SERBP1: variants seen among roughly 807,000 people sequenced by gnomAD.
SERBP1 encodes SERPINE1 mRNA binding protein 1, also known as SERPINE1 mRNA-binding protein 1.
A neutral mutation model predicts 50.2 loss-of-function variants in SERBP1; 6 were observed. That is an observed-to-expected ratio of 0.12 (90% CI 0.07 to 0.24). The LOEUF (loss-of-function observed/expected upper bound fraction) is 0.24. SERBP1 is among the 10% of genes least tolerant of loss of function. The pLI is 1.00. For synonymous variants in SERBP1, 168 were observed against 182.8 expected, an observed-to-expected ratio of 0.92 and a Z score of 0.65; for missense variants, 346 against 524.9, an observed-to-expected ratio of 0.66 and a Z score of 3.33.
rs139147758 is a variant in SERBP1, at chr1:67,426,135, C to T, written c.464G>A (p.Arg155Lys). 180 of 1,603,786 alleles carry T rather than the reference C, an allele frequency of 1.1e-4. No individual in the cohort carries two copies. Among genetic ancestry groups the T allele is most frequent in the Non-Finnish European group, 1.5e-4 (176 of 1,176,550 alleles). Residue 155 changes from arginine (R) to lysine (K), a missense_variant and splice_region_variant, in exon 2 of 8, where the codon AGA becomes AAA. Coordinates refer to ENST00000361219, the MANE Select transcript of SERBP1 (RefSeq NM_001018069.2). ...GGCTCAAAAACAAGAAACAACTTAC[C>T]TATCAACTGAAAATTCGCCTCCTTC... ...KGEGGEFSVD[R>K]PIIDRPIRGR...
Position 67,430,126 on chromosome 1 carries a change from C to G in SERBP1, c.175G>C (p.Ala59Pro), listed in dbSNP as rs936630250. 2.5e-6 allele frequency: 4 copies of G among 1,612,008 alleles called. No homozygotes were observed. The highest frequency in any genetic ancestry group is 3.4e-6 in the Non-Finnish European group (4 of 1,179,800). The change falls in exon 1 of 8, where the codon GCC (alanine) becomes CCC (proline). Residue 59 changes from alanine to proline, a missense_variant. Ala to Pro is a conservative substitution (Grantham distance 27, BLOSUM62 -1). Transcript: ENST00000361219. ...PGAKSAAQAA[A>P]QTNSNAAGKQ... is the part of the protein sequence containing the mutation. ...CCTGCCGCGTTGGAGTTGGTCTGGG[C>G]CGCGGCCTGAGCTGCGCTCTTGGCC... is the stretch of plus-strand genomic sequence containing the variant.
Position 67,410,422 on chromosome 1 carries a change from TACA to T in SERBP1, c.*2782_*2784del, listed in dbSNP as rs1666789351. On this transcript the variant is annotated 3_prime_UTR_variant, in exon 8 of 8. Coordinates refer to ENST00000361219, the MANE Select transcript of SERBP1 (RefSeq NM_001018069.2). The stretch of plus-strand genomic sequence containing the variant: ...ACCAAAAACAAGCCCCAAATATATT[TACA>T]ACCCTGGAAATGATGTGTACTACTT... 2 of 152,180 alleles carry T rather than the reference TACA, an allele frequency of 1.3e-5. No individual in the cohort carries two copies. Among genetic ancestry groups the T allele is most frequent in the South Asian group, 4.1e-4 (2 of 4,826 alleles). The allele number at this position is 152,180 out of a possible 1,614,324, so 9.4% of individuals were successfully genotyped here. A position where few individuals can be genotyped will look rare whatever the true frequency, so the allele number is the denominator to read the frequency against.
At position 67,430,155 on chromosome 1, in the gene SERBP1, G is replaced by C; in HGVS notation, c.146C>G (p.Pro49Arg). 1 of 1,611,222 alleles carries C rather than the reference G, an allele frequency of 6.2e-7. No homozygotes were observed. The highest frequency in any genetic ancestry group is 8.5e-7 in the Non-Finnish European group (1 of 1,179,624). The change falls in exon 1 of 8, where the codon CCT becomes CGT. Residue 49 changes from proline (P) to arginine (R), a missense_variant. Physicochemically the swap from Pro to Arg is moderately radical, Grantham distance 103. Transcript: ENST00000361219. Reference sequence around the variant, plus strand: ...GGCCTGAGCTGCGCTCTTGGCCCCAGGGCCCCCAACGCCGCCCCCGCCGGC... The same window carrying C: ...GGCCTGAGCTGCGCTCTTGGCCCCACGGCCCCCAACGCCGCCCCCGCCGGC... ...KEAGGGGVGG[P>R]GAKSAAQAAA... is the part of the protein sequence containing the mutation.
In SERBP1 at chr1:67,413,130, G is replaced by A. The variant is rs1451352773; in HGVS notation, c.*77C>T. The A allele has an allele frequency of 2.8e-6, 4 of 1,428,830 alleles. No individual in the cohort carries two copies. The highest frequency in any genetic ancestry group is 2.9e-5 in the South Asian group (2 of 68,986). 88.5% of individuals were successfully genotyped at this position (1,428,830 alleles called of 1,614,324 possible). A position where few individuals can be genotyped will look rare whatever the true frequency, so the allele number is the denominator to read the frequency against. On this transcript the variant is annotated 3_prime_UTR_variant, in exon 8 of 8. Coordinates refer to ENST00000361219, the MANE Select transcript of SERBP1 (RefSeq NM_001018069.2). ...TCTTTTTTTTTTTAATTTCTTAGTC[G>A]TTTGGAATCCTTAAGCATGCAAAAG...
At chr1:67,413,578 G>A (rs1388003670) in intron 7 of SERBP1, among the ~76,000 whole-genome samples, 2 of 151,236 alleles carry the variant, frequency 1.3e-5, no homozygotes, top group Non-Finnish European at 2.9e-5. Flanking sequence ...GAACCTGGGA[G>A]GCAAGGGTTG....
intron 7 of SERBP1, among the ~76,000 whole-genome samples, chr1:67,414,020 C>T (rs1666925278): frequency 1.3e-5 from 2 of 152,276 alleles, no homozygotes; most frequent in South Asian, 4.1e-4. Context: ...AAATTCCCAA[C>T]CTCAGGTGAT....
intron 1 of SERBP1, among the ~76,000 whole-genome samples, chr1:67,427,760 A>T (rs1667436303): frequency 6.6e-6 from 1 of 152,216 alleles, no homozygotes; most frequent in Non-Finnish European, 1.5e-5. Context: ...AACGTATTAA[A>T]CCTACCTAAT....
At chr1:67,418,503 A>G (rs1374291546) in intron 6 of SERBP1, among the ~76,000 whole-genome samples, 2 of 152,148 alleles carry the variant, frequency 1.3e-5, no homozygotes, top group African/African-American at 4.8e-5. Flanking sequence ...CACGCCTATA[A>G]TCCCAGCACT....
At chr1:67,417,521 T>A (rs964727700) in intron 6 of SERBP1, among the ~76,000 whole-genome samples, 1 of 151,766 alleles carries the variant, frequency 6.6e-6, no homozygotes, top group Admixed American at 6.6e-5. Flanking sequence ...TTTTCTTTTT[T>A]CCTTTTTTTG....
chr1:67,427,383 T>C (rs142736441), intron 1 of SERBP1, among the ~76,000 whole-genome samples: 68 of 152,320 alleles, frequency 4.5e-4, no homozygotes, highest in African/African-American at 1.6e-3. Flanking sequence ...TAATTCCCAA[T>C]TTCTGACAAA....
chr1:67,411,164 T>C lies in SERBP1; in HGVS notation c.*2043A>G, dbSNP rs1570274627. 1 of 152,140 alleles carries C rather than the reference T, an allele frequency of 6.6e-6. No individual in the cohort carries two copies. The highest frequency in any genetic ancestry group is 1.5e-5 in the Non-Finnish European group (1 of 67,996). 9.4% of individuals were successfully genotyped at this position (152,140 alleles called of 1,614,324 possible). The stretch of plus-strand genomic sequence containing the variant: ...GAACTAGGAGGCAAATTTATATCCA[T>C]CAGATACAACTAATGCACCAACTTT... On this transcript the variant is annotated 3_prime_UTR_variant, in exon 8 of 8. Transcript: ENST00000361219.
rs1260772360 is a variant in SERBP1 at position 67,409,397 on chromosome 1, ACACACACACACACACACACACACCCC to A, written c.*3784_*3809del. 1.6e-4 allele frequency: 17 copies of A among 106,938 alleles called. No individual in the cohort carries two copies. The highest frequency in any genetic ancestry group is 4.1e-4 in the East Asian group (1 of 2,412). 6.6% of individuals were successfully genotyped at this position (106,938 alleles called of 1,614,324 possible). On this transcript the variant is annotated 3_prime_UTR_variant, in exon 8 of 8. Coordinates refer to ENST00000361219, the MANE Select transcript of SERBP1 (RefSeq NM_001018069.2). Reference sequence around the variant, plus strand: ...AACTCAGGGACACGGACACACACACACACACACACACACACACACACACCCCCACACACACCAGGTCACAGGCTGAA... The same window carrying A: ...AACTCAGGGACACGGACACACACACACACACACACCAGGTCACAGGCTGAA...
In SERBP1 at chr1:67,408,019, T is replaced by C. The variant is rs986158047; in HGVS notation, c.*5188A>G. ...AATCTAGAACTGAATCAGCTACAAC[T>C]GCAAACAAGGTGATTAGTGCAAAGT... On this transcript the variant is annotated 3_prime_UTR_variant, in exon 8 of 8. Coordinates refer to ENST00000361219, the MANE Select transcript of SERBP1 (RefSeq NM_001018069.2). 1 of 152,196 alleles carries C rather than the reference T, an allele frequency of 6.6e-6. No homozygotes were observed. Among genetic ancestry groups the C allele is most frequent in the Non-Finnish European group, 1.5e-5 (1 of 68,032 alleles). 9.4% of individuals were successfully genotyped at this position (152,196 alleles called of 1,614,324 possible).
chr1:67,425,068 A>G lies in SERBP1; in HGVS notation c.605+15T>C, dbSNP rs1667324873. On this transcript the variant is annotated intron_variant, in intron 3 of 7. Coordinates refer to ENST00000361219, the MANE Select transcript of SERBP1 (RefSeq NM_001018069.2). ...ATTAAAATATTAAAGTAAAATAAAA[A>G]CCAGTAAGACTTACGATCTATCACT... The G allele has an allele frequency of 6.2e-7, 1 of 1,602,652 alleles. No homozygotes were observed.
intron 5 of SERBP1, among the ~76,000 whole-genome samples, chr1:67,420,796 A>T (rs1236774078): frequency 6.6e-6 from 1 of 152,224 alleles, no homozygotes; most frequent in Non-Finnish European, 1.5e-5. Flanking sequence ...GAGGCCATGG[A>T]TTCACTACTA....
intron 5 of SERBP1, among the ~76,000 whole-genome samples, chr1:67,421,672 G>A (rs1231088507): frequency 6.6e-6 from 1 of 152,166 alleles, no homozygotes; most frequent in East Asian, 1.9e-4. Flanking sequence ...AAACAGTTGT[G>A]GTTGGACACG....
At chr1:67,413,914 C>G (rs1231266978) in intron 7 of SERBP1, among the ~76,000 whole-genome samples, 7 of 152,076 alleles carry the variant, frequency 4.6e-5, no homozygotes, top group African/African-American at 1.7e-4. Flanking sequence ...TCAGGTGATT[C>G]TTGTGCCTCA....
intron 1 of SERBP1, among the ~76,000 whole-genome samples, chr1:67,428,666 GAATT>G (rs1294044365): frequency 2.6e-5 from 3 of 113,248 alleles, no homozygotes; most frequent in South Asian, 3.3e-4. Context: ...TTTACCACAA[GAATT>G]AATTATTTTC....
intron 6 of SERBP1, among the ~76,000 whole-genome samples, chr1:67,419,499 A>G (rs935085127): frequency 1.3e-5 from 2 of 152,214 alleles, no homozygotes; most frequent in African/African-American, 4.8e-5. Flanking sequence ...TAAAGTCGTC[A>G]TTCCTTAGAC....
Sources: allele counts gnomAD v4.1 joint callset (sites outside exome capture counted in the v4.1 genomes callset), GRCh38; gene constraint gnomAD v4.1.1; transcripts MANE v1.5; gene names NCBI Gene and HGNC (gene_info 2026-07-23, HGNC 2026-07-21).